The following PGCKA1 variants were observed in gnomAD, a reference collection of about 807,000 sequenced individuals.
PGCKA1 encodes PDCD10 and GCKIII kinases-associated protein 1.
chr4:37,529,148 A>G, the PGCKA1 span, among the ~76,000 whole-genome samples: 61 of 152,354 alleles, frequency 4.0e-4, no homozygotes, highest in African/African-American at 1.4e-3. Flanking sequence ...AAATCTCTAA[A>G]TGGAATTATG....
the PGCKA1 span, among the ~76,000 whole-genome samples, chr4:37,576,512 G>T: frequency 1.3e-5 from 2 of 151,994 alleles, no homozygotes; most frequent in Non-Finnish European, 1.5e-5. Context: ...ATATAAGGTT[G>T]TCTCATCAGC....
the PGCKA1 span, among the ~76,000 whole-genome samples, chr4:37,526,998 G>A: frequency 6.6e-6 from 1 of 152,152 alleles, no homozygotes; most frequent in Non-Finnish European, 1.5e-5. Context: ...AGGACAAGAT[G>A]TGGAGGTGGG....
At chr4:37,571,955 T>C in the PGCKA1 span, among the ~76,000 whole-genome samples, 4 of 151,288 alleles carry the variant, frequency 2.6e-5, no homozygotes, top group African/African-American at 7.3e-5. Context: ...CTTAATAACA[T>C]GGATTTCCTG....
the PGCKA1 span, among the ~76,000 whole-genome samples, chr4:37,552,625 TCA>T: frequency 6.6e-6 from 1 of 152,182 alleles, no homozygotes; most frequent in Admixed American, 6.5e-5. Context: ...TGAAATAAAA[TCA>T]CTTCCAAATT....
chr4:37,485,013 T>C, the PGCKA1 span, among the ~76,000 whole-genome samples: 1 of 152,236 alleles, frequency 6.6e-6, no homozygotes, highest in South Asian at 2.1e-4. Context: ...AAGAAGTGAA[T>C]ATTTTATTTA....
At chr4:37,530,928 T>C in the PGCKA1 span, among the ~76,000 whole-genome samples, 1 of 151,850 alleles carries the variant, frequency 6.6e-6, no homozygotes, top group African/African-American at 2.4e-5. Flanking sequence ...GAGGTTGCAG[T>C]GAGCCGAGAG....
At chr4:37,556,966 G>A in the PGCKA1 span, among the ~76,000 whole-genome samples, 199 of 152,242 alleles carry the variant, frequency 1.3e-3, 4 homozygotes, top group East Asian at 0.03. Flanking sequence ...AGAAGATTTC[G>A]CTGACGAGAA....
the PGCKA1 span, among the ~76,000 whole-genome samples, chr4:37,548,029 G>A: frequency 8.0e-5 from 12 of 149,686 alleles, no homozygotes; most frequent in African/African-American, 2.7e-4. Context: ...AAAAGGGGGG[G>A]AGGCAGAATT....
chr4:37,493,389 A>G, the PGCKA1 span, among the ~76,000 whole-genome samples: 1 of 152,174 alleles, frequency 6.6e-6, no homozygotes, highest in Non-Finnish European at 1.5e-5. Context: ...CTTAATTCCC[A>G]CTTCATGACG....
chr4:37,518,722 G>T, the PGCKA1 span, among the ~76,000 whole-genome samples: 3 of 152,290 alleles, frequency 2.0e-5, no homozygotes, highest in African/African-American at 7.2e-5. Context: ...TCTGTGGGTT[G>T]TGTCTTCACT....
the PGCKA1 span, among the ~76,000 whole-genome samples, chr4:37,581,986 TG>T: frequency 6.6e-6 from 1 of 152,276 alleles, no homozygotes; most frequent in East Asian, 1.9e-4. The surrounding 1 kb of genome is among the most constrained non-coding windows in gnomAD (Gnocchi z 4.4). Flanking sequence ...GTGGGTAGGC[TG>T]GGGGGTCGTG....
the PGCKA1 span, among the ~76,000 whole-genome samples, chr4:37,592,313 C>G: frequency 1.4e-5 from 2 of 140,444 alleles, no homozygotes; most frequent in Non-Finnish European, 3.0e-5. Flanking sequence ...GCCAGGAATT[C>G]GAGACCAACC....
chr4:37,588,781 G>C, the PGCKA1 span: 1 of 1,218,024 alleles, frequency 8.2e-7, no homozygotes, highest in Non-Finnish European at 1.2e-6. Flanking sequence ...AAAAAAAAAG[G>C]CAAACTTAAT....
chr4:37,558,795 GAC>G, the PGCKA1 span, among the ~76,000 whole-genome samples: 1 of 111,416 alleles, frequency 9.0e-6, no homozygotes, highest in African/African-American at 3.8e-5. Flanking sequence ...GACATGAACA[GAC>G]ACTTCTCAAA....
chr4:37,535,249 G>T, the PGCKA1 span, among the ~76,000 whole-genome samples: 3 of 152,186 alleles, frequency 2.0e-5, no homozygotes, highest in Non-Finnish European at 4.4e-5. Context: ...AGGGCTGGGC[G>T]TGGTGGCTCA....
chr4:37,578,743 A>G, the PGCKA1 span, among the ~76,000 whole-genome samples: 1 of 151,964 alleles, frequency 6.6e-6, no homozygotes, highest in Non-Finnish European at 1.5e-5. Context: ...TGAAGTTGCC[A>G]TGAGGCCTGC....
the PGCKA1 span, among the ~76,000 whole-genome samples, chr4:37,516,389 T>C: frequency 1.3e-5 from 2 of 152,258 alleles, no homozygotes; most frequent in African/African-American, 4.8e-5. Context: ...GTGCAACCTA[T>C]GAGTAAAATA....
the PGCKA1 span, among the ~76,000 whole-genome samples, chr4:37,494,806 A>T: frequency 1.3e-5 from 2 of 152,102 alleles, no homozygotes; most frequent in African/African-American, 4.8e-5. Flanking sequence ...TTGACTTTTA[A>T]TAATAGCCAT....
the PGCKA1 span, among the ~76,000 whole-genome samples, chr4:37,539,444 G>A: frequency 2.6e-5 from 4 of 152,248 alleles, no homozygotes; most frequent in East Asian, 5.8e-4. Flanking sequence ...ATCACCTGAG[G>A]TCAGGAGTTT....
Sources: allele counts gnomAD v4.1 joint callset (sites outside exome capture counted in the v4.1 genomes callset), GRCh38; gene constraint gnomAD v4.1.1; non-coding constraint Gnocchi (gnomAD v3.1); transcripts MANE v1.5; gene names NCBI Gene and HGNC (gene_info 2026-07-23, HGNC 2026-07-21).